The following TSNARE1 variants were observed in gnomAD, a reference collection of about 807,000 sequenced individuals.
TSNARE1 encodes t-SNARE domain containing 1.
Under a neutral mutation model 62.0 loss-of-function variants are expected in TSNARE1, and 49 were observed. That is an observed-to-expected ratio of 0.79 (90% CI 0.63 to 1.00). The LOEUF (loss-of-function observed/expected upper bound fraction) is 1.00, where lower values mean the gene tolerates loss of function less well. Ranked by LOEUF, TSNARE1 falls within the 50% of genes least tolerant of loss-of-function variation. The pLI is 0.00. For missense variants in TSNARE1, 755 were observed against 700.1 expected (o/e 1.08, Z -0.88); for synonymous variants, 328 against 294.4 (o/e 1.11, Z -1.17).
chr8:142,215,521 CT>C (rs1263694433), intron 13 of TSNARE1, among the ~76,000 whole-genome samples: 3 of 152,186 alleles, frequency 2.0e-5, no homozygotes, highest in Admixed American at 6.5e-5. Context: ...ACCACCACCC[CT>C]CAGCCTCCCC....
chr8:142,240,093 A>G (rs1817611173), intron 12 of TSNARE1, among the ~76,000 whole-genome samples: 1 of 152,210 alleles, frequency 6.6e-6, no homozygotes. Context: ...GCTATCTGCT[A>G]TTTACAAGAG....
At chr8:142,398,139 C>G (rs1838026561) in intron 1 of TSNARE1, among the ~76,000 whole-genome samples, 1 of 152,090 alleles carries the variant, frequency 6.6e-6, no homozygotes, top group Non-Finnish European at 1.5e-5. Flanking sequence ...CCAGCTAAGG[C>G]CACTCAGCTC....
At chr8:142,271,322 C>T (rs938966904) in intron 12 of TSNARE1, 61 of 1,140,206 alleles carry the variant, frequency 5.3e-5, no homozygotes, top group Middle Eastern at 7.2e-4. Context: ...CTCGGCCAGC[C>T]GCTGCAGCAG....
chr8:142,276,639 G>A (rs771119777), intron 11 of TSNARE1: 31 of 985,284 alleles, frequency 3.1e-5, no homozygotes, highest in African/African-American at 3.5e-5. Flanking sequence ...GTGACCACAC[G>A]CAGCCTCAGC....
At chr8:142,349,476 C>T (rs1833810889) in intron 2 of TSNARE1, among the ~76,000 whole-genome samples, 1 of 151,948 alleles carries the variant, frequency 6.6e-6, no homozygotes, top group Non-Finnish European at 1.5e-5. Flanking sequence ...AATAAAATAG[C>T]ATCAACTTAA....
At chr8:142,224,731 G>T (rs1176053684) in intron 13 of TSNARE1, among the ~76,000 whole-genome samples, 1 of 29,356 alleles carries the variant, frequency 3.4e-5, no homozygotes, top group South Asian at 9.0e-4. Flanking sequence ...GGGTGCTCTG[G>T]GGGCTGGCCT....
At chr8:142,223,955 T>TGTAGCCTGG (rs56314953) in intron 13 of TSNARE1, among the ~76,000 whole-genome samples, 2 of 151,880 alleles carry the variant, frequency 1.3e-5, no homozygotes, top group Non-Finnish European at 2.9e-5. Flanking sequence ...GGGAGGGCTT[T>TGTAGCCTGG]CTGCCAAGGG....
At chr8:142,310,863 C>G (rs1404006835) in intron 9 of TSNARE1, among the ~76,000 whole-genome samples, 3 of 151,090 alleles carry the variant, frequency 2.0e-5, no homozygotes, top group African/African-American at 7.3e-5. Flanking sequence ...TTTGTTTTTT[C>G]TTTTTTGAGA....
chr8:142,260,482 G>A (rs768550339), intron 12 of TSNARE1, among the ~76,000 whole-genome samples: 3 of 152,158 alleles, frequency 2.0e-5, no homozygotes, highest in Non-Finnish European at 2.9e-5. Context: ...GGGGCCCACG[G>A]CCAGGGAGGC....
chr8:142,363,727 C>A (rs1302318761), intron 1 of TSNARE1, among the ~76,000 whole-genome samples: 1 of 152,182 alleles, frequency 6.6e-6, no homozygotes, highest in East Asian at 1.9e-4. Flanking sequence ...TGCCCACTGC[C>A]CACAGAACCC....
In TSNARE1 at chr8:142,318,547, G is replaced by A. The variant is rs776925665; in HGVS notation, c.981C>T (p.Cys327=). Residue 327 remains cysteine, a synonymous_variant, in exon 7 of 14, where the codon TGC becomes TGT. Coordinates refer to ENST00000524325, the MANE Select transcript of TSNARE1 (RefSeq NM_145003.5). ...KQMAELLRSS[C]PQERLQQERP... The stretch of plus-strand genomic sequence containing the variant: ...GCCCCAGACCCCAGGAACATACCGG[G>A]CAGGAGCTGCGCAGCAGCTCGGCCA... 17 of 1,612,504 alleles carry A rather than the reference G, an allele frequency of 1.1e-5. No homozygotes were observed. In the South Asian group the frequency reaches 1.6e-4, roughly 16 times the overall value.
intron 4 of TSNARE1, among the ~76,000 whole-genome samples, chr8:142,337,650 T>A (rs1831940997): frequency 6.6e-6 from 1 of 152,032 alleles, no homozygotes; most frequent in Non-Finnish European, 1.5e-5. Context: ...CTGCTGGGGG[T>A]CCACGGTTAC....
At chr8:142,401,597 T>C (rs1011968784) in intron 1 of TSNARE1, among the ~76,000 whole-genome samples, 2 of 152,120 alleles carry the variant, frequency 1.3e-5, no homozygotes, top group Admixed American at 6.5e-5. Flanking sequence ...TGACCCAGCA[T>C]CTACAGAAGG....
At chr8:142,384,762 T>C (rs966398204) in intron 1 of TSNARE1, among the ~76,000 whole-genome samples, 7 of 152,192 alleles carry the variant, frequency 4.6e-5, no homozygotes, top group African/African-American at 1.7e-4. Context: ...ATGCATGATG[T>C]TGGATTTGGC....
intron 13 of TSNARE1, among the ~76,000 whole-genome samples, chr8:142,220,919 A>C (rs994897338): frequency 2.6e-5 from 4 of 152,246 alleles, no homozygotes; most frequent in African/African-American, 9.6e-5. Context: ...CTGAGGACAG[A>C]ATCCGTGTAA....
chr8:142,271,541 GT>G, intron 12 of TSNARE1: 1 of 1,377,580 alleles, frequency 7.3e-7, no homozygotes, highest in Non-Finnish European at 9.4e-7. Flanking sequence ...TGCTGGTGGG[GT>G]GGAGGCTGGG....
At chr8:142,369,112 G>A (rs1835756563) in intron 1 of TSNARE1, among the ~76,000 whole-genome samples, 1 of 152,206 alleles carries the variant, frequency 6.6e-6, no homozygotes, top group African/African-American at 2.4e-5. Context: ...GCCAGCAGAC[G>A]CAGCTACTGC....
At chr8:142,275,587 G>A (rs1820335788) in intron 11 of TSNARE1, 1 of 985,296 alleles carries the variant, frequency 1.0e-6, no homozygotes, top group South Asian at 4.7e-5. Context: ...AGGAGCGCAG[G>A]CACAGCCGGG....
chr8:142,277,161 C>T, intron 11 of TSNARE1: 4 of 985,340 alleles, frequency 4.1e-6, no homozygotes, highest in Non-Finnish European at 4.8e-6. Flanking sequence ...TGCAGAGCCA[C>T]AGGCCCTGGG....
Sources: allele counts gnomAD v4.1 joint callset (sites outside exome capture counted in the v4.1 genomes callset), GRCh38; gene constraint gnomAD v4.1.1; transcripts MANE v1.5; gene names NCBI Gene and HGNC (gene_info 2026-07-23, HGNC 2026-07-21).